CHIC2: variants seen among roughly 807,000 people sequenced by gnomAD.
CHIC2 encodes the protein cysteine-rich hydrophobic domain-containing protein 2.
A neutral mutation model predicts 25.9 loss-of-function variants in CHIC2; 14 were observed. That is an observed-to-expected ratio of 0.54 (90% CI 0.36 to 0.85). The LOEUF (loss-of-function observed/expected upper bound fraction) is 0.85. Ranked by LOEUF, CHIC2 falls within the 40% of genes least tolerant of loss-of-function variation. The pLI is 0.01. For missense variants in CHIC2, 146 were observed against 202.0 expected (o/e 0.72, Z 1.68); for synonymous variants, 70 against 72.0 (o/e 0.97, Z 0.14).
At chr4:54,083,018 CTTTTTTTTTTTTTTT>C in the CHIC2 span, among the ~76,000 whole-genome samples, 90 of 67,922 alleles carry the variant, frequency 1.3e-3, 1 homozygote, top group African/African-American at 5.5e-3. Context: ...TTCTTTCTTT[CTTTTTTTTTTTTTTT>C]TTTTTTTTTT....
At chr4:54,045,108 G>C (rs1577979230) in intron 3 of CHIC2, among the ~76,000 whole-genome samples, 1 of 152,302 alleles carries the variant, frequency 6.6e-6, no homozygotes, top group South Asian at 2.1e-4. Flanking sequence ...GGAAGAAGTT[G>C]AATGTCTGAA....
In CHIC2 at chr4:54,064,081, GC is replaced by G. The variant is rs1213257196; in HGVS notation, c.119+100del. The G allele has an allele frequency of 5.0e-6, 5 of 997,968 alleles. No individual in the cohort carries two copies. Among genetic ancestry groups the G allele is most frequent in the Non-Finnish European group, 7.5e-6 (5 of 670,134 alleles). The allele number at this position is 997,968 out of a possible 1,614,324, so 61.8% of individuals were successfully genotyped here. ...TCCTGGTTGCCTACTCTTTCGGAAG[GC>G]CCCCGACACCAGACGGACACAGGGG... is the stretch of plus-strand genomic sequence containing the variant. On this transcript the variant is annotated intron_variant, in intron 1 of 5. Transcript: ENST00000263921. This position sits in a 1 kb window ranked among gnomAD's most constrained non-coding sequence, Gnocchi z 4.2.
At chr4:54,034,162 T>G (rs535046030) in intron 3 of CHIC2, among the ~76,000 whole-genome samples, 1 of 152,190 alleles carries the variant, frequency 6.6e-6, no homozygotes, top group South Asian at 2.1e-4. Context: ...CCCAACACTT[T>G]GGGAGGCTGA....
At chr4:54,042,004 A>G (rs1716592539) in intron 3 of CHIC2, among the ~76,000 whole-genome samples, 1 of 151,532 alleles carries the variant, frequency 6.6e-6, no homozygotes, top group East Asian at 1.9e-4. Context: ...AACTTAAAGT[A>G]TAATTTAAAA....
chr4:54,049,041 T>G lies in CHIC2; in HGVS notation c.244A>C (p.Asn82His), dbSNP rs1247936324. Residue 82 changes from asparagine (N) to histidine (H), a missense_variant, in exon 3 of 6, where the codon AAT becomes CAT. Coordinates refer to ENST00000263921, the MANE Select transcript of CHIC2 (RefSeq NM_012110.4). ...CAGCCACAAAGTAGCCAACGTACAT[T>G]AACAGGAAGGTTCTTCTTAAGACAA... ...NSCLKKNLPV[N>H]VRWLLCGCLC... is the part of the protein sequence containing the mutation. The G allele has an allele frequency of 1.9e-6, 3 of 1,612,552 alleles. No homozygotes were observed. The highest frequency in any genetic ancestry group is 2.5e-6 in the Non-Finnish European group (3 of 1,179,194).
chr4:54,033,036 T>C (rs868107100), intron 3 of CHIC2, among the ~76,000 whole-genome samples: 2 of 152,210 alleles, frequency 1.3e-5, no homozygotes, highest in South Asian at 2.1e-4. Flanking sequence ...CTCTGCCATA[T>C]GAGATGCCTG....
chr4:54,043,538 A>G (rs192788721), intron 3 of CHIC2, among the ~76,000 whole-genome samples: 3,442 of 152,204 alleles, frequency 0.023, 61 homozygotes, highest in Non-Finnish European at 0.038. Context: ...CCACAATTTC[A>G]TATCCAGCCA....
chr4:54,032,328 C>CT (rs1186686477), intron 3 of CHIC2, among the ~76,000 whole-genome samples: 2 of 143,072 alleles, frequency 1.4e-5, no homozygotes, highest in Non-Finnish European at 3.0e-5. Context: ...CGAAGCTGGA[C>CT]TGTACTGCTG....
the CHIC2 span, among the ~76,000 whole-genome samples, chr4:54,089,350 G>C: frequency 2.0e-5 from 3 of 151,176 alleles, no homozygotes; most frequent in Admixed American, 1.3e-4. Context: ...TTGAGCCTAG[G>C]AGTTCAAGGC....
At chr4:54,045,958 G>T (rs1418390113) in intron 3 of CHIC2, among the ~76,000 whole-genome samples, 1 of 152,060 alleles carries the variant, frequency 6.6e-6, no homozygotes, top group Non-Finnish European at 1.5e-5. Context: ...AAAGTCTCAG[G>T]ATACAAAATC....
chr4:54,045,819 G>C (rs1716766966), intron 3 of CHIC2, among the ~76,000 whole-genome samples: 1 of 151,776 alleles, frequency 6.6e-6, no homozygotes, highest in African/African-American at 2.4e-5. Flanking sequence ...GCAGGAGAAG[G>C]AAATAAAGGG....
chr4:54,025,596 C>T (rs1054762288), intron 3 of CHIC2, among the ~76,000 whole-genome samples: 6 of 152,238 alleles, frequency 3.9e-5, no homozygotes, highest in African/African-American at 9.6e-5. Context: ...CAATAGCTCA[C>T]GCCTGTGATC....
At chr4:54,028,015 C>A (rs1303218759) in intron 3 of CHIC2, among the ~76,000 whole-genome samples, 6 of 151,992 alleles carry the variant, frequency 3.9e-5, no homozygotes, top group Non-Finnish European at 8.8e-5. Flanking sequence ...TCTCCTATAC[C>A]CACTTTACCT....
the CHIC2 span, among the ~76,000 whole-genome samples, chr4:54,077,265 A>G: frequency 0.11 from 16,180 of 152,288 alleles, 1,027 homozygotes; most frequent in Non-Finnish European, 0.15. Flanking sequence ...GAATGAAGAC[A>G]ATATTCCTTT....
chr4:54,043,113 C>G (rs569047616), intron 3 of CHIC2, among the ~76,000 whole-genome samples: 14 of 152,190 alleles, frequency 9.2e-5, no homozygotes, highest in African/African-American at 3.1e-4. Context: ...AAGTTTGAGA[C>G]CACCCTGGGC....
At chr4:54,072,099 C>T in the CHIC2 span, among the ~76,000 whole-genome samples, 1 of 152,040 alleles carries the variant, frequency 6.6e-6, no homozygotes, top group African/African-American at 2.4e-5. Flanking sequence ...TCTAGACCAT[C>T]CTGGCCAACA....
upstream of CHIC2, among the ~76,000 whole-genome samples, chr4:54,069,301 T>A (rs929074933): frequency 6.6e-6 from 1 of 152,154 alleles, no homozygotes; most frequent in African/African-American, 2.4e-5. Context: ...AGTACTGAGA[T>A]TATAGGCATG....
intron 1 of CHIC2, 89 bp from the exon 2 acceptor site, chr4:54,049,394 A>T: frequency 1.3e-6 from 1 of 769,618 alleles, no homozygotes. Flanking sequence ...GTCAATAGAA[A>T]GCATTTTCAC....
chr4:54,065,975 T>C (rs1386369272), upstream of CHIC2, among the ~76,000 whole-genome samples: 1 of 152,252 alleles, frequency 6.6e-6, no homozygotes, highest in Non-Finnish European at 1.5e-5. Flanking sequence ...AAATATCTAC[T>C]GAACTCTAGC....
Sources: allele counts gnomAD v4.1 joint callset (sites outside exome capture counted in the v4.1 genomes callset), GRCh38; gene constraint gnomAD v4.1.1; non-coding constraint Gnocchi (gnomAD v3.1); transcripts MANE v1.5; gene names NCBI Gene and HGNC (gene_info 2026-07-23, HGNC 2026-07-21).